The following SGIP1 variants were observed in gnomAD, a reference collection of about 807,000 sequenced individuals.
SGIP1 encodes the protein SH3GL interacting endocytic adaptor 1, also known as SH3-containing GRB2-like protein 3-interacting protein 1.
Under a neutral mutation model 107.5 loss-of-function variants are expected in SGIP1, and 38 were observed. The observed-to-expected ratio is 0.35, with a 90% CI of 0.27 to 0.46. The LOEUF is 0.46. Among genes scored for constraint, SGIP1 ranks in the 20% least tolerant of loss-of-function variants. The probability of loss-of-function intolerance (pLI) is 1.00; values close to 1 mark genes in which losing one functional copy is unlikely to be tolerated. For synonymous variants in SGIP1, 365 were observed against 366.1 expected (o/e 1.00, Z 0.03); for missense variants, 929 against 1,019.5 (o/e 0.91, Z 1.21).
chr1:66,674,964 A>G (rs1420221416), intron 12 of SGIP1, among the ~76,000 whole-genome samples: 1 of 152,252 alleles, frequency 6.6e-6, no homozygotes, highest in African/African-American at 2.4e-5. Flanking sequence ...GAAACTGTAC[A>G]AAGAACATTT....
intron 1 of SGIP1, among the ~76,000 whole-genome samples, chr1:66,541,994 G>C (rs1314008217): frequency 6.6e-6 from 1 of 152,170 alleles, no homozygotes; most frequent in Non-Finnish European, 1.5e-5. Context: ...CTGTGTGGTA[G>C]AAAGAATAAG....
At chr1:66,727,012 C>A (rs772750422) in intron 19 of SGIP1, among the ~76,000 whole-genome samples, 2 of 152,092 alleles carry the variant, frequency 1.3e-5, no homozygotes, top group African/African-American at 2.4e-5. Context: ...TTGTGACCTT[C>A]GGTTTGGCAA....
At chr1:66,726,922 G>A (rs564046132) in intron 19 of SGIP1, among the ~76,000 whole-genome samples, 120 of 152,154 alleles carry the variant, frequency 7.9e-4, no homozygotes, top group African/African-American at 2.8e-3. Flanking sequence ...AGTGAGCTAT[G>A]CTCACACGAC....
At chr1:66,639,913 T>C (rs2076460280) in intron 5 of SGIP1, 80 bp downstream of exon 5, 1 of 1,180,758 alleles carries the variant, frequency 8.5e-7, no homozygotes, top group Admixed American at 2.0e-5. Flanking sequence ...TAATAGGACT[T>C]AGAAATAAGC....
At chr1:66,742,331 A>T (rs1052796238) in intron 24 of SGIP1, among the ~76,000 whole-genome samples, 1 of 151,762 alleles carries the variant, frequency 6.6e-6, no homozygotes, top group Non-Finnish European at 1.5e-5. Flanking sequence ...GAGTGATTAT[A>T]CTTTTCAGTG....
chr1:66,542,620 G>A (rs2055261509), intron 1 of SGIP1, among the ~76,000 whole-genome samples: 1 of 152,134 alleles, frequency 6.6e-6, no homozygotes. Flanking sequence ...GGAGTAGGAT[G>A]GCACGAGATT....
intron 2 of SGIP1, among the ~76,000 whole-genome samples, chr1:66,630,861 A>AGAGAGAGAGAGAG (rs2074236642): frequency 2.6e-5 from 1 of 37,840 alleles, no homozygotes; most frequent in African/African-American, 1.4e-4. Context: ...GAAAGAAAGA[A>AGAGAGAGAGAGAG]AGAAAGAAAG....
intron 13 of SGIP1, 35 bp downstream of exon 13, chr1:66,677,131 G>C: frequency 6.4e-7 from 1 of 1,555,070 alleles, no homozygotes; most frequent in Non-Finnish European, 8.9e-7. Flanking sequence ...GGAAAAATAA[G>C]TGACTCATTT....
At chr1:66,561,820 G>A (rs768807177) in intron 1 of SGIP1, among the ~76,000 whole-genome samples, 10 of 151,928 alleles carry the variant, frequency 6.6e-5, no homozygotes, top group Non-Finnish European at 1.0e-4. Context: ...TATTAAAAGG[G>A]GAGGCCAATG....
At chr1:66,732,158 T>G (rs1340341283) in intron 20 of SGIP1, among the ~76,000 whole-genome samples, 3 of 152,224 alleles carry the variant, frequency 2.0e-5, no homozygotes, top group African/African-American at 7.2e-5. Flanking sequence ...CAAATCTACT[T>G]AGTACAAATT....
At chr1:66,584,007 T>G (rs1167714438) in intron 1 of SGIP1, among the ~76,000 whole-genome samples, 1 of 152,150 alleles carries the variant, frequency 6.6e-6, no homozygotes, top group Admixed American at 6.6e-5. Context: ...TCCCAAGAAA[T>G]GCATTTGAGG....
intron 3 of SGIP1, 81 bp from the exon 4 acceptor site, chr1:66,635,863 C>A: frequency 7.2e-7 from 1 of 1,392,598 alleles, no homozygotes; most frequent in South Asian, 1.2e-5. Flanking sequence ...TTTGCTGACT[C>A]CATGTAATTC....
chr1:66,683,732 A>C (rs2087456724), intron 15 of SGIP1, among the ~76,000 whole-genome samples: 1 of 51,494 alleles, frequency 1.9e-5, no homozygotes, highest in African/African-American at 6.5e-5. Flanking sequence ...TTTTTTTGAC[A>C]AGGTCTTGCT....
intron 18 of SGIP1, among the ~76,000 whole-genome samples, chr1:66,702,788 G>A (rs1234006067): frequency 6.6e-6 from 1 of 152,130 alleles, no homozygotes; most frequent in Non-Finnish European, 1.5e-5. Context: ...TCATACAAAG[G>A]CCAATAGGTT....
chr1:66,563,462 A>G (rs2059235624), intron 1 of SGIP1, among the ~76,000 whole-genome samples: 1 of 152,036 alleles, frequency 6.6e-6, no homozygotes, highest in African/African-American at 2.4e-5. Flanking sequence ...ACCAAGGTGA[A>G]GGGGAAGAAA....
intron 1 of SGIP1, among the ~76,000 whole-genome samples, chr1:66,589,295 A>T (rs1306446766): frequency 6.8e-6 from 1 of 147,718 alleles, no homozygotes; most frequent in Non-Finnish European, 1.5e-5. Context: ...GAATCAATTT[A>T]ATGTTTGCTG....
intron 1 of SGIP1, among the ~76,000 whole-genome samples, chr1:66,564,569 C>A (rs1015750769): frequency 1.3e-5 from 2 of 151,974 alleles, no homozygotes; most frequent in African/African-American, 4.8e-5. Flanking sequence ...TCTGTGTCAT[C>A]TGCCATTTCC....
intron 9 of SGIP1, among the ~76,000 whole-genome samples, chr1:66,668,563 A>G (rs1220046381): frequency 6.6e-6 from 1 of 152,204 alleles, no homozygotes; most frequent in Non-Finnish European, 1.5e-5. Flanking sequence ...TTACCTGGTC[A>G]GTCCCTTAAG....
At position 66,659,948 on chromosome 1, in the gene SGIP1, G is replaced by GAAAGAA. The variant is rs370051468; in HGVS notation, c.460-562_460-561insGAAAAA. Among the ~76,000 whole-genome samples the GAAAGAA allele has an allele frequency of 5.1e-3, 177 of 35,014 alleles. 5 individuals are homozygous for GAAAGAA. Among genetic ancestry groups the GAAAGAA allele is most frequent in the African/African-American group, 0.017 (131 of 7,596 alleles). 23.0% of individuals were successfully genotyped at this position (35,014 alleles called of 152,430 possible). ...AGAAAAAGAGAGAAAGAAAAAGAAA[G>GAAAGAA]AAAAAGAAAGAAAGAAAGAAAGAAA... On this transcript the variant is annotated intron_variant, in intron 7 of 24. Coordinates refer to ENST00000371037, the MANE Select transcript of SGIP1 (RefSeq NM_032291.4).
Sources: allele counts gnomAD v4.1 joint callset (sites outside exome capture counted in the v4.1 genomes callset), GRCh38; gene constraint gnomAD v4.1.1; transcripts MANE v1.5; gene names NCBI Gene and HGNC (gene_info 2026-07-23, HGNC 2026-07-21).